TRAPPC9: variants seen among roughly 807,000 people sequenced by gnomAD.
TRAPPC9 encodes the protein IKK2 binding protein.
A neutral mutation model predicts 124.0 loss-of-function variants in TRAPPC9; 83 were observed. The ratio of observed to expected loss-of-function variants is 0.67; its 90% CI spans 0.56 to 0.80. The LOEUF is 0.80. Among genes scored for constraint, TRAPPC9 ranks in the 30% least tolerant of loss-of-function variants. The pLI is 0.00. For synonymous variants in TRAPPC9, 638 were observed against 617.5 expected, an observed-to-expected ratio of 1.03 and a Z score of -0.49; for missense variants, 1,302 against 1,508.3, an observed-to-expected ratio of 0.86 and a Z score of 2.27.
intron 17 of TRAPPC9, among the ~76,000 whole-genome samples, chr8:140,207,528 T>C (rs2062955263): frequency 1.3e-5 from 2 of 152,376 alleles, no homozygotes; most frequent in East Asian, 1.9e-4. Flanking sequence ...TTCCACTGTC[T>C]GGTTTTTTTC....
At chr8:140,236,648 TAAC>T (rs2063737558) in intron 16 of TRAPPC9, among the ~76,000 whole-genome samples, 1 of 152,198 alleles carries the variant, frequency 6.6e-6, no homozygotes, top group South Asian at 2.1e-4. Context: ...AAACACCACT[TAAC>T]AAAAAATATC....
intron 19 of TRAPPC9, among the ~76,000 whole-genome samples, chr8:139,966,593 G>T (rs1835724260): frequency 6.6e-6 from 1 of 152,212 alleles, no homozygotes; most frequent in Admixed American, 6.5e-5. Context: ...AGGGCTGCAG[G>T]TGGCACGATG....
chr8:139,974,167 G>A (rs1836286387), intron 19 of TRAPPC9, among the ~76,000 whole-genome samples: 1 of 152,198 alleles, frequency 6.6e-6, no homozygotes, highest in Non-Finnish European at 1.5e-5. Flanking sequence ...TGGGGAATCT[G>A]AGATAATAAG....
intron 5 of TRAPPC9, among the ~76,000 whole-genome samples, chr8:140,411,575 C>G (rs2069707839): frequency 6.6e-6 from 1 of 152,202 alleles, no homozygotes; most frequent in South Asian, 2.1e-4. Flanking sequence ...CTCCTGACTT[C>G]AGGTGATCTG....
At chr8:140,315,746 A>G (rs2066426730) in intron 9 of TRAPPC9, among the ~76,000 whole-genome samples, 1 of 152,234 alleles carries the variant, frequency 6.6e-6, no homozygotes, top group Non-Finnish European at 1.5e-5. Context: ...TAGGTTCCCT[A>G]AAGTCCAAAA....
rs539243944 is a variant in TRAPPC9, at chr8:140,023,809, C to G, written c.2699+128G>C. The G allele has an allele frequency of 3.8e-4, 531 of 1,414,394 alleles. 12 individuals are homozygous for G. In the South Asian group the frequency reaches 6.1e-3, roughly 16 times the overall value. The allele number at this position is 1,414,394 out of a possible 1,614,324, so 87.6% of individuals were successfully genotyped here. On this transcript the variant is annotated intron_variant, in intron 18 of 22. Transcript: ENST00000438773. Reference sequence around the variant, plus strand: ...AAGAAAAACCTACATCCCAGAGAGGCTCAGCAACTTGGCCCCATGGCACGG... The same window carrying G: ...AAGAAAAACCTACATCCCAGAGAGGGTCAGCAACTTGGCCCCATGGCACGG...
At chr8:139,942,772 T>C (rs1225568392) in intron 19 of TRAPPC9, among the ~76,000 whole-genome samples, 1 of 152,198 alleles carries the variant, frequency 6.6e-6, no homozygotes, top group Non-Finnish European at 1.5e-5. Flanking sequence ...TGACTTCTTG[T>C]CTGAGGACAG....
At chr8:140,235,629 A>G (rs1365378035) in intron 16 of TRAPPC9, among the ~76,000 whole-genome samples, 2 of 152,258 alleles carry the variant, frequency 1.3e-5, no homozygotes, top group African/African-American at 4.8e-5. Context: ...AATTTAAAAC[A>G]CTGACAATAC....
intron 17 of TRAPPC9, among the ~76,000 whole-genome samples, chr8:140,093,217 G>A (rs1010474581): frequency 2.0e-5 from 3 of 152,148 alleles, no homozygotes. Flanking sequence ...CATGTTCTCT[G>A]CATTCCCTGG....
Position 140,228,013 on chromosome 8 carries a change from C to T in TRAPPC9, c.2432-6430G>A, listed in dbSNP as rs78919696. On this transcript the variant is annotated intron_variant, in intron 16 of 22. Coordinates refer to ENST00000438773, the MANE Select transcript of TRAPPC9 (RefSeq NM_001160372.4). Reference sequence around the variant, plus strand: ...CACCAGCCAAGGTTGTTCTGTAGCACATCACTGGGTCAAAACTGTACACCA... The same window carrying T: ...CACCAGCCAAGGTTGTTCTGTAGCATATCACTGGGTCAAAACTGTACACCA... 9.6e-4 allele frequency among the ~76,000 whole-genome samples: 146 copies of T among 152,336 alleles called. 1 individual carries two copies. In the East Asian group the frequency reaches 0.024, roughly 25 times the overall value.
chr8:140,193,514 T>G (rs766576116), intron 17 of TRAPPC9, among the ~76,000 whole-genome samples: 3 of 151,510 alleles, frequency 2.0e-5, no homozygotes, highest in Non-Finnish European at 4.4e-5. Flanking sequence ...AAACTGTCCA[T>G]TTTTTATATC....
chr8:140,208,661 A>T (rs2062984951), intron 17 of TRAPPC9, among the ~76,000 whole-genome samples: 1 of 152,224 alleles, frequency 6.6e-6, no homozygotes, highest in Admixed American at 6.5e-5. Context: ...CCAACGTTTA[A>T]TGACAGCCTG....
At chr8:140,426,753 T>C (rs762781289) in intron 4 of TRAPPC9, 112 bp from the exon 5 acceptor site, 10 of 1,080,048 alleles carry the variant, frequency 9.3e-6, no homozygotes, top group African/African-American at 3.1e-5. Context: ...ATCTGACTTG[T>C]ATCTGATCAG....
At chr8:139,799,801 G>A (rs7827091) in intron 21 of TRAPPC9, among the ~76,000 whole-genome samples, 1 of 152,072 alleles carries the variant, frequency 6.6e-6, no homozygotes, top group Non-Finnish European at 1.5e-5. Flanking sequence ...AGTCCCACGG[G>A]CTGGGGCTCG....
chr8:140,117,762 C>T (rs537123273), intron 17 of TRAPPC9, among the ~76,000 whole-genome samples: 2 of 152,190 alleles, frequency 1.3e-5, no homozygotes, highest in Non-Finnish European at 2.9e-5. Context: ...GAGCCTCTAA[C>T]ATGCTGCGTA....
chr8:140,085,775 G>GT (rs1844147618), intron 17 of TRAPPC9, among the ~76,000 whole-genome samples: 1 of 152,186 alleles, frequency 6.6e-6, no homozygotes, highest in Admixed American at 6.5e-5. Context: ...GTGGGTAATC[G>GT]TGTCCCGATC....
In TRAPPC9 at chr8:140,372,638, G is replaced by A. The variant is rs116115863; in HGVS notation, c.1135-1458C>T. On this transcript the variant is annotated intron_variant, in intron 7 of 22. Coordinates refer to ENST00000438773, the MANE Select transcript of TRAPPC9 (RefSeq NM_001160372.4). The stretch of plus-strand genomic sequence containing the variant: ...TTAGGAGGTGGGGACTTTAAAAAGT[G>A]ATTGGGTCAGGGGGTGAAGCACTCA... Among the ~76,000 whole-genome samples, 152 of 152,260 alleles carry A rather than the reference G, an allele frequency of 1.0e-3. 1 individual carries two copies. The highest frequency in any genetic ancestry group is 3.6e-3 in the African/African-American group (150 of 41,552).
intron 17 of TRAPPC9, among the ~76,000 whole-genome samples, chr8:140,215,706 G>A (rs374161429): frequency 6.6e-6 from 1 of 150,584 alleles, no homozygotes. Context: ...CCACAGACGC[G>A]GCGAACTTGG....
intron 21 of TRAPPC9, among the ~76,000 whole-genome samples, chr8:139,770,013 G>A (rs978878436): frequency 1.3e-5 from 2 of 152,210 alleles, no homozygotes; most frequent in Admixed American, 6.5e-5. Context: ...TTTGCCACCC[G>A]CCAGTGGTGG....
Sources: gnomAD v4.1 joint callset for allele counts (sites outside exome capture counted in the v4.1 genomes callset) on GRCh38, gnomAD v4.1.1 for gene constraint, MANE v1.5 for transcripts, NCBI Gene and HGNC (gene_info 2026-07-23, HGNC 2026-07-21) for gene names.